Variants in PPP2R2B observed in about 807,000 individuals in gnomAD.
PPP2R2B encodes the protein protein phosphatase 2 regulatory subunit Bbeta.
In PPP2R2B, 5 loss-of-function variants were observed where a neutral mutation model predicts 46.0. The ratio of observed to expected loss-of-function variants is 0.11; its 90% CI spans 0.06 to 0.23. PPP2R2B has a LOEUF of 0.23. Ranked by LOEUF, PPP2R2B falls within the 10% of genes least tolerant of loss-of-function variation. PPP2R2B has a pLI of 1.00. For missense variants in PPP2R2B, 367 were observed against 575.0 expected (o/e 0.64, Z 3.70); for synonymous variants, 215 against 206.7 (o/e 1.04, Z -0.34).
At chr5:146,980,815 T>C (rs371217502) in intron 1 of PPP2R2B, among the ~76,000 whole-genome samples, 9 of 152,146 alleles carry the variant, frequency 5.9e-5, no homozygotes, top group African/African-American at 1.9e-4. Context: ...CAAGATTTCA[T>C]ATACATACAT....
chr5:146,840,060 AAG>A, intron 2 of PPP2R2B, among the ~76,000 whole-genome samples: 1 of 152,358 alleles, frequency 6.6e-6, no homozygotes, highest in Admixed American at 6.5e-5. Flanking sequence ...GCTGAGCTAA[AAG>A]AGCAGAGAGC....
chr5:146,914,953 A>G (rs1050078798), intron 1 of PPP2R2B, among the ~76,000 whole-genome samples: 2 of 152,202 alleles, frequency 1.3e-5, no homozygotes, highest in African/African-American at 2.4e-5. Flanking sequence ...GGTCATTTTC[A>G]TAAAGATGTT....
chr5:146,602,324 A>C (rs571905656), intron 7 of PPP2R2B, among the ~76,000 whole-genome samples: 63 of 152,338 alleles, frequency 4.1e-4, no homozygotes, highest in African/African-American at 1.4e-3. Context: ...TCTTACTCAC[A>C]AATGTTCAAT....
chr5:146,909,685 G>A (rs1217428950), intron 1 of PPP2R2B, among the ~76,000 whole-genome samples: 1 of 152,218 alleles, frequency 6.6e-6, no homozygotes, highest in Non-Finnish European at 1.5e-5. Context: ...AAGCCCGCAT[G>A]TCCTCTGTGT....
At chr5:147,010,703 CT>C (rs1353754682) in intron 1 of PPP2R2B, among the ~76,000 whole-genome samples, 3 of 152,262 alleles carry the variant, frequency 2.0e-5, no homozygotes, top group South Asian at 2.1e-4. Context: ...ACCTACTGCC[CT>C]CCTGCTGTGT....
chr5:146,982,440 T>A (rs1408064677), intron 1 of PPP2R2B, among the ~76,000 whole-genome samples: 1 of 152,202 alleles, frequency 6.6e-6, no homozygotes, highest in Non-Finnish European at 1.5e-5. Flanking sequence ...TAAAATTAGA[T>A]GACGTTTGAT....
At chr5:147,019,542 A>C (rs1755163720) in intron 1 of PPP2R2B, among the ~76,000 whole-genome samples, 1 of 152,170 alleles carries the variant, frequency 6.6e-6, no homozygotes, top group Non-Finnish European at 1.5e-5. Context: ...AAACCTGGTG[A>C]AGTGAGATCT....
intron 1 of PPP2R2B, among the ~76,000 whole-genome samples, chr5:146,998,886 G>A (rs902647162): frequency 2.0e-5 from 3 of 151,834 alleles, no homozygotes; most frequent in African/African-American, 4.8e-5. Flanking sequence ...AGCCCAAGAA[G>A]CAAAAGGCCT....
At chr5:146,687,299 C>T (rs751354296) in intron 5 of PPP2R2B, among the ~76,000 whole-genome samples, 10 of 152,150 alleles carry the variant, frequency 6.6e-5, no homozygotes, top group Non-Finnish European at 1.0e-4. Context: ...TCTGAGGCTG[C>T]ATCGGATCGA....
chr5:147,062,028 A>C (rs6889425), intron 2 of PPP2R2B, among the ~76,000 whole-genome samples: 6,008 of 152,286 alleles, frequency 0.039, 181 homozygotes, highest in African/African-American at 0.081. Context: ...ATGATAATAC[A>C]GTCATGTGCC....
chr5:146,719,605 C>T (rs1357965457), intron 2 of PPP2R2B, among the ~76,000 whole-genome samples: 1 of 152,028 alleles, frequency 6.6e-6, no homozygotes, highest in African/African-American at 2.4e-5. Flanking sequence ...GTTGTTGTTC[C>T]CAGTGGATCA....
chr5:146,792,280 C>T (rs114061965), intron 2 of PPP2R2B, among the ~76,000 whole-genome samples: 5,526 of 152,210 alleles, frequency 0.036, 100 homozygotes, highest in Non-Finnish European at 0.044. Context: ...AAATTACTGG[C>T]CAATACAGTG....
At chr5:146,633,255 G>C (rs534212264) in intron 7 of PPP2R2B, among the ~76,000 whole-genome samples, 1 of 152,292 alleles carries the variant, frequency 6.6e-6, no homozygotes, top group South Asian at 2.1e-4. Context: ...GTTCTCCTCG[G>C]CATTTTGATT....
intron 6 of PPP2R2B, among the ~76,000 whole-genome samples, chr5:146,642,133 C>T (rs552517865): frequency 6.6e-6 from 1 of 152,300 alleles, no homozygotes; most frequent in Admixed American, 6.5e-5. Flanking sequence ...GCTCTGAGGA[C>T]AGGAGGGGGC....
At chr5:147,003,569 C>T (rs1754289743) in intron 1 of PPP2R2B, among the ~76,000 whole-genome samples, 2 of 151,992 alleles carry the variant, frequency 1.3e-5, no homozygotes, top group South Asian at 2.1e-4. Flanking sequence ...TAGCTGCAGC[C>T]CAAGAGTTTG....
chr5:146,986,454 A>AGCG (rs1415166249), intron 1 of PPP2R2B, among the ~76,000 whole-genome samples: 1 of 152,224 alleles, frequency 6.6e-6, no homozygotes. Flanking sequence ...AATAAATTGC[A>AGCG]GCGGAAGGCA....
intron 1 of PPP2R2B, among the ~76,000 whole-genome samples, chr5:146,953,262 A>C (rs1751709185): frequency 1.3e-5 from 2 of 152,224 alleles, no homozygotes; most frequent in South Asian, 2.1e-4. Context: ...TGTTGCATTC[A>C]AAATACATAC....
At chr5:146,606,634 G>C (rs1262444530) in intron 7 of PPP2R2B, among the ~76,000 whole-genome samples, 1 of 152,218 alleles carries the variant, frequency 6.6e-6, no homozygotes, top group Non-Finnish European at 1.5e-5. Flanking sequence ...AGGCAAGCTT[G>C]GTGTGCAATG....
At chr5:146,691,276 T>A (rs1778836277) in intron 4 of PPP2R2B, 36 bp from the exon 5 acceptor site, 1 of 1,582,164 alleles carries the variant, frequency 6.3e-7, no homozygotes, top group Admixed American at 1.7e-5. Context: ...AGAATTATAG[T>A]GAAAAGCAAG....
Sources: gnomAD v4.1 joint callset for allele counts (sites outside exome capture counted in the v4.1 genomes callset) on GRCh38, gnomAD v4.1.1 for gene constraint, MANE v1.5 for transcripts, NCBI Gene and HGNC (gene_info 2026-07-23, HGNC 2026-07-21) for gene names.